ACOT7: variants seen among roughly 807,000 people sequenced by gnomAD.
ACOT7 encodes the protein cytosolic acyl coenzyme A thioester hydrolase.
ACOT7 carries 12 observed loss-of-function variants against 40.2 expected under a neutral mutation model. The ratio of observed to expected loss-of-function variants is 0.30; its 90% CI spans 0.19 to 0.48. The LOEUF (loss-of-function observed/expected upper bound fraction) is 0.48, where lower values mean the gene tolerates loss of function less well. Ranked by LOEUF, ACOT7 falls within the 20% of genes least tolerant of loss-of-function variation. The pLI, the probability that ACOT7 is intolerant of heterozygous loss-of-function variation, is 0.99. For missense variants in ACOT7, 395 were observed against 530.8 expected, an observed-to-expected ratio of 0.74 and a Z score of 2.51; for synonymous variants, 228 against 219.5, an observed-to-expected ratio of 1.04 and a Z score of -0.34.
chr1:6,364,240 A>T (rs557725211), intron 1 of ACOT7, among the ~76,000 whole-genome samples: 257 of 152,094 alleles, frequency 1.7e-3, no homozygotes, highest in Non-Finnish European at 3.2e-3. Context: ...ATACAAAAGT[A>T]ACATCTAAAA....
chr1:6,273,297 T>C (rs1639088420), intron 8 of ACOT7, among the ~76,000 whole-genome samples: 1 of 152,204 alleles, frequency 6.6e-6, no homozygotes, highest in Admixed American at 6.5e-5. Context: ...CATGCTCTCA[T>C]CTGCGCCAAC....
rs1640147963 is a variant in ACOT7, at chr1:6,306,157, T to G, written c.713-11177A>C. ...GGCAGCAGCACAGTCCAGCTTCGGC[T>G]CGGCATCAGAGGGAGACCGTGGCAA... On this transcript the variant is annotated intron_variant, in intron 6 of 8. Transcript: ENST00000361521. This position sits in a 1 kb window ranked among gnomAD's most constrained non-coding sequence, Gnocchi z 4.3. The G allele has an allele frequency of 1.3e-6, 1 of 794,428 alleles. No homozygotes were observed. Among genetic ancestry groups the G allele is most frequent in the South Asian group, 5.9e-5 (1 of 17,030 alleles). The allele number at this position is 794,428 out of a possible 1,614,324, so 49.2% of individuals were successfully genotyped here.
At chr1:6,386,686 T>C (rs1051062918) in intron 1 of ACOT7, among the ~76,000 whole-genome samples, 3 of 151,980 alleles carry the variant, frequency 2.0e-5, no homozygotes, top group Non-Finnish European at 4.4e-5. Flanking sequence ...TGAGATCATG[T>C]CTCTACAAAA....
intron 2 of ACOT7, among the ~76,000 whole-genome samples, chr1:6,345,221 G>C (rs1641387020): frequency 6.6e-6 from 1 of 152,232 alleles, no homozygotes; most frequent in Non-Finnish European, 1.5e-5. Context: ...ATCAGCACCT[G>C]CCCGGAAGTG....
chr1:6,369,398 CTTTTTTTTTT>C lies in ACOT7; in HGVS notation c.144-19542_144-19533del, dbSNP rs60404741. On this transcript the variant is annotated intron_variant, in intron 1 of 8. Transcript: ENST00000361521. Reference sequence around the variant, plus strand: ...AGCCAGAGCCCCACAAAATGCATTTCTTTTTTTTTTTTTTTTTTTTTTTGTAGAGAAGGAG... The same window carrying C: ...AGCCAGAGCCCCACAAAATGCATTTCTTTTTTTTTTTTTGTAGAGAAGGAG... Among the ~76,000 whole-genome samples the C allele has an allele frequency of 2.8e-4, 28 of 100,894 alleles. 1 individual carries two copies. In the South Asian group the frequency reaches 8.7e-3, roughly 32 times the overall value. The allele number at this position is 100,894 out of a possible 152,430, so 66.2% of individuals were successfully genotyped here.
In ACOT7 at chr1:6,275,015, G is replaced by T. The variant is rs1571260245; in HGVS notation, c.1014+6087C>A. ...AGTCACAGATGGGCCTGCTGGCCGTGCGACCCCTGGCGAGTGACTCCCTGC... is the reference window on the plus strand; with the variant it reads ...AGTCACAGATGGGCCTGCTGGCCGTTCGACCCCTGGCGAGTGACTCCCTGC... On this transcript the variant is annotated intron_variant, in intron 8 of 8. Transcript: ENST00000361521. This position sits in a 1 kb window ranked among gnomAD's most constrained non-coding sequence, Gnocchi z 5.6. Among the ~76,000 whole-genome samples, 2 of 152,214 alleles carry T rather than the reference G, an allele frequency of 1.3e-5. No homozygotes were observed. Among genetic ancestry groups the T allele is most frequent in the South Asian group, 2.1e-4 (1 of 4,832 alleles).
At chr1:6,383,539 G>GTT (rs201588214) in intron 1 of ACOT7, among the ~76,000 whole-genome samples, 2,554 of 143,234 alleles carry the variant, frequency 0.018, 82 homozygotes, top group African/African-American at 0.062. Context: ...TTTTAACACA[G>GTT]TTTTTTTTTT....
At chr1:6,331,207 C>T (rs1640943742) in intron 4 of ACOT7, among the ~76,000 whole-genome samples, 1 of 152,182 alleles carries the variant, frequency 6.6e-6, no homozygotes. Context: ...GTGGGTTGAA[C>T]AGCATCCCTC....
chr1:6,376,285 T>G (rs1402883301), intron 1 of ACOT7, among the ~76,000 whole-genome samples: 5 of 151,706 alleles, frequency 3.3e-5, no homozygotes, highest in Non-Finnish European at 7.4e-5. Context: ...ACAAAAAAAT[T>G]AGCCAGGCAC....
intron 1 of ACOT7, among the ~76,000 whole-genome samples, chr1:6,375,743 T>C (rs1642217505): frequency 6.7e-6 from 1 of 149,072 alleles, no homozygotes; most frequent in Non-Finnish European, 1.5e-5. Flanking sequence ...AAGACCATCC[T>C]GGTTAACACG....
chr1:6,281,000 G>T, intron 8 of ACOT7, 102 bp downstream of exon 8: 1 of 1,463,376 alleles, frequency 6.8e-7, no homozygotes, highest in East Asian at 2.5e-5. Flanking sequence ...CTACTGACAG[G>T]ACAGGACTCA....
intron 6 of ACOT7, among the ~76,000 whole-genome samples, chr1:6,308,380 C>T (rs1047467164): frequency 6.7e-6 from 1 of 149,820 alleles, no homozygotes; most frequent in Non-Finnish European, 1.5e-5. Context: ...GGAACAGCGA[C>T]CAGAGAGAAC....
intron 1 of ACOT7, among the ~76,000 whole-genome samples, chr1:6,381,612 G>GAA (rs1480432920): frequency 4.0e-5 from 6 of 151,848 alleles, no homozygotes; most frequent in Non-Finnish European, 7.4e-5. Context: ...AGCCGCTGTG[G>GAA]AAAACAGTAT....
At chr1:6,333,321 A>G (rs1641011314) in intron 4 of ACOT7, among the ~76,000 whole-genome samples, 156 bp downstream of exon 4, 1 of 152,248 alleles carries the variant, frequency 6.6e-6, no homozygotes, top group Non-Finnish European at 1.5e-5. Context: ...CCCAGCCCAG[A>G]GGGGACACTG....
rs1392050273 is a variant in ACOT7, at chr1:6,358,689, C to G, written c.144-8823G>C. ...CCAGGTGGGTGCCCTACTGCCCTTCCTGGCTGCATGACACCAGCCAGCCTG... is the reference window on the plus strand; with the variant it reads ...CCAGGTGGGTGCCCTACTGCCCTTCGTGGCTGCATGACACCAGCCAGCCTG... On this transcript the variant is annotated intron_variant, in intron 1 of 8. Transcript: ENST00000361521. This position sits in a 1 kb window ranked among gnomAD's most constrained non-coding sequence, Gnocchi z 4.1. 1 of 866,826 alleles carries G rather than the reference C, an allele frequency of 1.2e-6. No homozygotes were observed. Among genetic ancestry groups the G allele is most frequent in the Non-Finnish European group, 1.8e-6 (1 of 546,578 alleles). 53.7% of individuals were successfully genotyped at this position (866,826 alleles called of 1,614,324 possible).
chr1:6,305,987 G>GACC (rs1553157268), intron 6 of ACOT7, among the ~76,000 whole-genome samples: 1 of 152,018 alleles, frequency 6.6e-6, no homozygotes, highest in Non-Finnish European at 1.5e-5. Context: ...AGGAGCTGGA[G>GACC]ACCAGCCCGG....
chr1:6,351,598 C>A (rs916226019), intron 1 of ACOT7, among the ~76,000 whole-genome samples: 3 of 152,240 alleles, frequency 2.0e-5, no homozygotes, highest in Admixed American at 1.3e-4. Flanking sequence ...GGGGCACTAG[C>A]CAAGGCTGTG....
chr1:6,372,670 C>T (rs988084517), intron 1 of ACOT7, among the ~76,000 whole-genome samples: 2 of 151,784 alleles, frequency 1.3e-5, no homozygotes, highest in Non-Finnish European at 2.9e-5. Flanking sequence ...CTGCCTCATC[C>T]TCTGAGTAGC....
rs1342252045 is a variant in ACOT7 at position 6,279,076 on chromosome 1, G to GCCC, written c.1014+2025_1014+2026insGGG. 1.6e-3 allele frequency among the ~76,000 whole-genome samples: 244 copies of GCCC among 152,340 alleles called. 1 individual carries two copies. The highest frequency in any genetic ancestry group is 3.5e-3 in the Admixed American group (54 of 15,310). ...GAGGGGCGTCGGGTCCATGGGGAGA[G>GCCC]ACCAGAGCGGGCCCAGGTGGGAGTG... On this transcript the variant is annotated intron_variant, in intron 8 of 8. Coordinates refer to ENST00000361521, the MANE Select transcript of ACOT7 (RefSeq NM_007274.4).
Sources: gnomAD v4.1 joint callset for allele counts (sites outside exome capture counted in the v4.1 genomes callset) on GRCh38, gnomAD v4.1.1 for gene constraint, Gnocchi (gnomAD v3.1) non-coding constraint, MANE v1.5 for transcripts, NCBI Gene and HGNC (gene_info 2026-07-23, HGNC 2026-07-21) for gene names.